Variants in MROH2A observed in about 807,000 individuals in gnomAD.
MROH2A encodes maestro heat like repeat family member 2A.
Under a neutral mutation model 200.4 loss-of-function variants are expected in MROH2A, and 174 were observed. The ratio of observed to expected loss-of-function variants is 0.87; its 90% CI spans 0.77 to 0.98. The LOEUF is 0.98. Ranked by LOEUF, MROH2A falls within the 50% of genes least tolerant of loss-of-function variation. The pLI, the probability that MROH2A is intolerant of heterozygous loss-of-function variation, is 0.00. For missense variants in MROH2A, 2,045 were observed against 2,139.6 expected (o/e 0.96, Z 0.87); for synonymous variants, 829 against 840.4 (o/e 0.99, Z 0.23).
Position 233,811,969 on chromosome 2 carries a change from G to A in MROH2A, c.2651+10G>A. On this transcript the variant is annotated intron_variant, in intron 24 of 41. Transcript: ENST00000389758. ...CCCTCTCGCACCTGAGGTGAGCTGG[G>A]TTCCCACCCTCACCCCATCCCAAGG... The A allele has an allele frequency of 6.5e-7, 1 of 1,541,672 alleles. No individual in the cohort carries two copies. The highest frequency in any genetic ancestry group is 2.0e-5 in the Admixed American group (1 of 50,982).
upstream of MROH2A, chr2:233,775,757 G>A (rs1204818891): frequency 6.6e-6 from 1 of 152,198 alleles, no homozygotes; most frequent in Non-Finnish European, 1.5e-5. Context: ...ACTGCCTCTG[G>A]GTGAGTCATA....
At chr2:233,778,603 G>A (rs1231746597) in intron 1 of MROH2A, 122 bp downstream of exon 1, 1 of 161,196 alleles carries the variant, frequency 6.2e-6, no homozygotes, top group Non-Finnish European at 1.5e-5. Flanking sequence ...GAGGAGAAAG[G>A]ATCTGAGAGC....
chr2:233,809,164 C>T lies in MROH2A; in HGVS notation c.2334C>T (p.Ala778=). Residue 778 remains alanine, a synonymous_variant, in exon 22 of 42, where the codon GCC becomes GCT. Coordinates refer to ENST00000389758, the MANE Select transcript of MROH2A (RefSeq NM_001394639.1). ...GGAGGCGGGAGACAGTGAAAAGTGC[C>T]CTCATGGTGATGTATAGCTGCGTGG... ...HPWRRETVKS[A]LMVMYSCVAS... is the part of the protein sequence containing the mutation. 2 of 1,550,476 alleles carry T rather than the reference C, an allele frequency of 1.3e-6. No homozygotes were observed. Among genetic ancestry groups the T allele is most frequent in the South Asian group, 1.2e-5 (1 of 84,060 alleles).
rs1575999817 is a variant in MROH2A at position 233,820,118 on chromosome 2, A to C, written c.3512+62A>C. On this transcript the variant is annotated intron_variant, in intron 31 of 41. Transcript: ENST00000389758. This position sits in a 1 kb window ranked among gnomAD's most constrained non-coding sequence, Gnocchi z 4.1. ...GCCATTTGACCATGCCCAACTCACC[A>C]CCCCGATGTGTCCCAGAAGCCTGGA... 1 of 1,382,526 alleles carries C rather than the reference A, an allele frequency of 7.2e-7. No individual in the cohort carries two copies. Among genetic ancestry groups the C allele is most frequent in the Non-Finnish European group, 9.6e-7 (1 of 1,043,146 alleles). 85.6% of individuals were successfully genotyped at this position (1,382,526 alleles called of 1,614,324 possible).
chr2:233,832,446 T>G (rs966293662), intron 40 of MROH2A, 133 bp from the exon 41 acceptor site: 1 of 975,970 alleles, frequency 1.0e-6, no homozygotes, highest in Non-Finnish European at 1.6e-6. Flanking sequence ...TGATTTTGGC[T>G]TCCTCCCTGC....
intron 17 of MROH2A, 111 bp from the exon 18 acceptor site, chr2:233,804,384 C>G: frequency 7.5e-7 from 1 of 1,340,436 alleles, no homozygotes; most frequent in Non-Finnish European, 1.0e-6. Flanking sequence ...ATGTGTTCAT[C>G]CATGGAGGGC....
At position 233,828,768 on chromosome 2, in the gene MROH2A, GCCC is replaced by G. The variant is rs762552877; in HGVS notation, c.4255_4257del (p.Pro1419del). 1.9e-6 allele frequency: 3 copies of G among 1,550,100 alleles called. No homozygotes were observed. Among genetic ancestry groups the G allele is most frequent in the Non-Finnish European group, 2.6e-6 (3 of 1,146,820 alleles). On this transcript the variant is annotated inframe_deletion, in exon 36 of 42. Transcript: ENST00000389758. This position sits in a 1 kb window ranked among gnomAD's most constrained non-coding sequence, Gnocchi z 4.6. ...CGCCCTCGGCAACATGGCCCTGGGC[GCCC>G]CCAAGAAGGTACTGTGCCTGGCCCT...
intron 21 of MROH2A, 72 bp from the exon 22 acceptor site, chr2:233,809,054 C>A: frequency 6.7e-7 from 1 of 1,488,140 alleles, no homozygotes; most frequent in East Asian, 2.5e-5. Flanking sequence ...GGTTGTGTGG[C>A]CAGAGACCAT....
At chr2:233,790,578 T>TC (rs1553630060) in intron 5 of MROH2A, among the ~76,000 whole-genome samples, 5 of 5,526 alleles carry the variant, frequency 9.0e-4, no homozygotes, top group South Asian at 0.019. Context: ...CCTTCCTTCC[T>TC]CCCTCCCCTC....
At chr2:233,813,519 C>T (rs531266667) in intron 24 of MROH2A, 151 bp from the exon 25 acceptor site, 9 of 595,666 alleles carry the variant, frequency 1.5e-5, no homozygotes, top group Non-Finnish European at 2.4e-5. Flanking sequence ...GAGCCAGGGC[C>T]CCTGGGGAGG....
rs948041555 is a variant in MROH2A, at chr2:233,818,106, C to T, written c.3066C>T (p.Ser1022=). 10 of 1,550,704 alleles carry T rather than the reference C, an allele frequency of 6.4e-6. No individual in the cohort carries two copies. The highest frequency in any genetic ancestry group is 2.0e-5 in the Admixed American group (1 of 50,984). Residue 1022 remains serine, a synonymous_variant, in exon 28 of 42, where the codon TCC becomes TCT. Transcript: ENST00000389758. Reference sequence around the variant, plus strand: ...GCATGGCCTCAATGAATGTCCTGTCCAGCCTGCTAGATCTTCACGGTATGA... The same window carrying T: ...GCATGGCCTCAATGAATGTCCTGTCTAGCCTGCTAGATCTTCACGGTATGA... The part of the protein sequence containing the change: ...RTRMASMNVL[S]SLLDLHASQT...
In MROH2A at chr2:233,807,626, TTG is replaced by T. The variant is rs143612294; in HGVS notation, c.2173-93_2173-92del. On this transcript the variant is annotated intron_variant, in intron 20 of 41. Coordinates refer to ENST00000389758, the MANE Select transcript of MROH2A (RefSeq NM_001394639.1). This position sits in a 1 kb window ranked among gnomAD's most constrained non-coding sequence, Gnocchi z 4.3. ...GTGTGTTCATGTGGCTGCATGCGTT[TTG>T]TGTGTGTGTGTGTACATGTGTGTGT... is the stretch of plus-strand genomic sequence containing the variant. 1.1e-3 allele frequency: 1,470 copies of T among 1,390,720 alleles called. No individual in the cohort carries two copies. The highest frequency in any genetic ancestry group is 2.2e-3 in the South Asian group (165 of 74,980). The allele number at this position is 1,390,720 out of a possible 1,614,324, so 86.1% of individuals were successfully genotyped here.
At chr2:233,816,104 A>G (rs1703508235) in intron 26 of MROH2A, among the ~76,000 whole-genome samples, 1 of 152,214 alleles carries the variant, frequency 6.6e-6, no homozygotes. Context: ...TTTGTTGCCC[A>G]GATACCATCT....
At chr2:233,782,689 T>G (rs1701004053) in intron 3 of MROH2A, among the ~76,000 whole-genome samples, 1 of 152,204 alleles carries the variant, frequency 6.6e-6, no homozygotes. Context: ...TCCTTTCTAT[T>G]TTGTATGCCC....
chr2:233,782,002 C>T (rs2126080907), intron 3 of MROH2A, among the ~76,000 whole-genome samples: 1 of 152,170 alleles, frequency 6.6e-6, no homozygotes, highest in East Asian at 1.9e-4. Context: ...TTATATGTGC[C>T]TAGCACCTTT....
intron 26 of MROH2A, among the ~76,000 whole-genome samples, chr2:233,816,374 A>G (rs986561515): frequency 5.9e-5 from 9 of 152,234 alleles, no homozygotes; most frequent in Non-Finnish European, 1.0e-4. Flanking sequence ...TATTAGGTGC[A>G]TAAACATTTA....
rs1246046794 is a variant in MROH2A at position 233,797,047 on chromosome 2, C to G, written c.1252+734C>G. On this transcript the variant is annotated intron_variant, in intron 11 of 41. Coordinates refer to ENST00000389758, the MANE Select transcript of MROH2A (RefSeq NM_001394639.1). ...GGCCAGAGAGTAAAAATATTTTTGG[C>G]TTTGCAGGCCATATAGTGTCTTTGA... is the stretch of plus-strand genomic sequence containing the variant. Among the ~76,000 whole-genome samples, 4 of 152,200 alleles carry G rather than the reference C, an allele frequency of 2.6e-5. No homozygotes were observed. In the East Asian group the frequency reaches 7.7e-4, roughly 29 times the overall value.
In MROH2A at chr2:233,813,679, GC is replaced by G. The variant is rs1479189148; in HGVS notation, c.2663del (p.Pro888LeufsTer11). The stretch of plus-strand genomic sequence containing the variant: ...ACTGCTTCTTCTCCAGCAAGCTGAA[GC>G]CTTTCTACTCCACAGAGGAAAACAG... ...EALSHLSKLK[P>X]FYSTEENSEL... On this transcript the variant is annotated frameshift_variant, in exon 25 of 42. Coordinates refer to ENST00000389758, the MANE Select transcript of MROH2A (RefSeq NM_001394639.1). LOFTEE classifies it high-confidence loss of function. 1 of 1,547,526 alleles carries G rather than the reference GC, an allele frequency of 6.5e-7. No individual in the cohort carries two copies. The highest frequency in any genetic ancestry group is 1.4e-5 in the African/African-American group (1 of 73,108).
intron 1 of MROH2A, among the ~76,000 whole-genome samples, chr2:233,778,854 A>G (rs1700794862): frequency 6.6e-6 from 1 of 152,202 alleles, no homozygotes; most frequent in African/African-American, 2.4e-5. Context: ...TGATTATCTC[A>G]CGGTTCCACT....
Sources: gnomAD v4.1 joint callset for allele counts (sites outside exome capture counted in the v4.1 genomes callset) on GRCh38, gnomAD v4.1.1 for gene constraint, Gnocchi (gnomAD v3.1) non-coding constraint, MANE v1.5 for transcripts, NCBI Gene and HGNC (gene_info 2026-07-23, HGNC 2026-07-21) for gene names.